IPO9: variants seen among roughly 807,000 people sequenced by gnomAD.
IPO9 encodes the protein importin-9.
IPO9 carries 28 observed loss-of-function variants against 128.6 expected under a neutral mutation model. The observed-to-expected ratio is 0.22, with a 90% CI of 0.16 to 0.30. IPO9 has a LOEUF of 0.30. Ranked by LOEUF, IPO9 falls within the 10% of genes least tolerant of loss-of-function variation. The pLI is 1.00. For synonymous variants in IPO9, 455 were observed against 475.8 expected, an observed-to-expected ratio of 0.96 and a Z score of 0.57; for missense variants, 935 against 1,293.9, an observed-to-expected ratio of 0.72 and a Z score of 4.26.
At chr1:201,861,103 T>C (rs1203508933) in intron 13 of IPO9, among the ~76,000 whole-genome samples, 1 of 152,038 alleles carries the variant, frequency 6.6e-6, no homozygotes, top group African/African-American at 2.4e-5. Context: ...GAGGCGGAGG[T>C]TGCAGTGAGC....
In IPO9 at chr1:201,878,830, C is replaced by G. The variant is rs1680829009; in HGVS notation, c.*2776C>G. The G allele has an allele frequency of 6.6e-6, 1 of 152,202 alleles. No homozygotes were observed. Among genetic ancestry groups the G allele is most frequent in the Non-Finnish European group, 1.5e-5 (1 of 68,040 alleles). 9.4% of individuals were successfully genotyped at this position (152,202 alleles called of 1,614,324 possible). A position where few individuals can be genotyped will look rare whatever the true frequency, so the allele number is the denominator to read the frequency against. ...TCTGTTGGAGGCCAGTACATGTTGA[C>G]AGAAACTCTAGACCATATTTTGTCT... On this transcript the variant is annotated 3_prime_UTR_variant, in exon 24 of 24. Coordinates refer to ENST00000361565, the MANE Select transcript of IPO9 (RefSeq NM_018085.5).
rs1233902687 is a variant in IPO9, at chr1:201,879,921, C to G, written c.*3867C>G. On this transcript the variant is annotated 3_prime_UTR_variant, in exon 24 of 24. Transcript: ENST00000361565. ...GGGCATGGTGGCACGTGCCTGTAAT[C>G]CCAGCTACTCGGGAGGCTGAGGCGG... 1 of 152,214 alleles carries G rather than the reference C, an allele frequency of 6.6e-6. No individual in the cohort carries two copies. The highest frequency in any genetic ancestry group is 1.5e-5 in the Non-Finnish European group (1 of 68,068). The allele number at this position is 152,214 out of a possible 1,614,324, so 9.4% of individuals were successfully genotyped here.
chr1:201,848,251 T>C lies in IPO9; in HGVS notation c.313-142T>C, dbSNP rs554210761. 8.9e-6 allele frequency: 6 copies of C among 677,100 alleles called. No individual in the cohort carries two copies. The South Asian group carries it at 1.1e-4, about 12-fold the overall frequency. 41.9% of individuals were successfully genotyped at this position (677,100 alleles called of 1,614,324 possible). On this transcript the variant is annotated intron_variant, in intron 3 of 23. Coordinates refer to ENST00000361565, the MANE Select transcript of IPO9 (RefSeq NM_018085.5). The stretch of plus-strand genomic sequence containing the variant: ...TCACAGATGAACCCTCCAAATGAAT[T>C]GTCAAGTTTGTGTATAGGAGTTTTC...
chr1:201,835,412 A>ATT (rs1679905281), intron 1 of IPO9, among the ~76,000 whole-genome samples: 1 of 152,250 alleles, frequency 6.6e-6, no homozygotes, highest in Non-Finnish European at 1.5e-5. Flanking sequence ...AAAGACTAAA[A>ATT]GAGAATGAGA....
intron 14 of IPO9, among the ~76,000 whole-genome samples, chr1:201,864,105 A>G (rs756964803): frequency 8.5e-5 from 13 of 152,220 alleles, no homozygotes; most frequent in Non-Finnish European, 1.8e-4. Context: ...TACGCAGACT[A>G]GAAGGACCAT....
chr1:201,854,048 A>G (rs1298360757), intron 6 of IPO9, among the ~76,000 whole-genome samples: 1 of 152,030 alleles, frequency 6.6e-6, no homozygotes, highest in Non-Finnish European at 1.5e-5. Flanking sequence ...ATGAATTTAT[A>G]TTTGTAGAGA....
chr1:201,855,298 A>G, intron 9 of IPO9, 116 bp downstream of exon 9: 1 of 642,490 alleles, frequency 1.6e-6, no homozygotes, highest in Admixed American at 2.6e-5. Context: ...AGTGTTTTCT[A>G]ATTCAGTTTA....
intron 6 of IPO9, among the ~76,000 whole-genome samples, chr1:201,853,918 A>G (rs1242029289): frequency 3.9e-5 from 6 of 152,122 alleles, no homozygotes; most frequent in Admixed American, 3.9e-4. Context: ...TTTGTTTTGC[A>G]GTAGAGACAG....
At chr1:201,840,945 T>C (rs1680024786) in intron 1 of IPO9, among the ~76,000 whole-genome samples, 1 of 152,172 alleles carries the variant, frequency 6.6e-6, no homozygotes. Context: ...AAGTGGGTAA[T>C]GAAAACAAGG....
At chr1:201,836,032 A>G (rs1235940579) in intron 1 of IPO9, among the ~76,000 whole-genome samples, 1 of 149,586 alleles carries the variant, frequency 6.7e-6, no homozygotes, top group African/African-American at 2.5e-5. Flanking sequence ...GAATGGCCTG[A>G]ACCCGGGAGG....
At position 201,879,711 on chromosome 1, in the gene IPO9, G is replaced by A. The variant is rs1260625179; in HGVS notation, c.*3657G>A. 1 of 152,184 alleles carries A rather than the reference G, an allele frequency of 6.6e-6. No homozygotes were observed. The highest frequency in any genetic ancestry group is 2.4e-5 in the African/African-American group (1 of 41,440). The allele number at this position is 152,184 out of a possible 1,614,324, so 9.4% of individuals were successfully genotyped here. A position where few individuals can be genotyped will look rare whatever the true frequency, so the allele number is the denominator to read the frequency against. On this transcript the variant is annotated 3_prime_UTR_variant, in exon 24 of 24. Transcript: ENST00000361565. The stretch of plus-strand genomic sequence containing the variant: ...TCTGTGCAGAGTTGAGGACTATAGA[G>A]TACTGTGCTGTCACTAACAGTATTG...
At chr1:201,851,852 T>C (rs1680224312) in intron 4 of IPO9, among the ~76,000 whole-genome samples, 1 of 152,204 alleles carries the variant, frequency 6.6e-6, no homozygotes, top group South Asian at 2.1e-4. Context: ...TTTCTTTCAG[T>C]ATTTATATTA....
chr1:201,837,136 T>G (rs2102868702), intron 1 of IPO9, among the ~76,000 whole-genome samples: 1 of 152,312 alleles, frequency 6.6e-6, no homozygotes, highest in East Asian at 1.9e-4. Flanking sequence ...TCTCTTATTC[T>G]CACCATCCCT....
At position 201,868,806 on chromosome 1, in the gene IPO9, CGTGT is replaced by C. The variant is rs34353605; in HGVS notation, c.2004+30_2004+33del. Reference sequence around the variant, plus strand: ...TGCAGGGCTTTGTGCGGTAAGTGGCCGTGTGTGTGTGTGTGTGTGTGTGAGAGAG... The same window carrying C: ...TGCAGGGCTTTGTGCGGTAAGTGGCCGTGTGTGTGTGTGTGTGTGAGAGAG... On this transcript the variant is annotated intron_variant, in intron 16 of 23. Transcript: ENST00000361565. 0.018 allele frequency: 20,204 copies of C among 1,112,958 alleles called. No homozygotes were observed. The highest frequency in any genetic ancestry group is 0.036 in the South Asian group (2,229 of 62,160). The allele number at this position is 1,112,958 out of a possible 1,614,324, so 68.9% of individuals were successfully genotyped here. A position where few individuals can be genotyped will look rare whatever the true frequency, so the allele number is the denominator to read the frequency against.
At chr1:201,855,332 A>C (rs934441936) in intron 9 of IPO9, 150 bp downstream of exon 9, 1 of 574,156 alleles carries the variant, frequency 1.7e-6, no homozygotes, top group African/African-American at 1.9e-5. Context: ...CGATGTGGGG[A>C]AATGAGAATT....
chr1:201,839,782 A>G (rs951767155), intron 1 of IPO9, among the ~76,000 whole-genome samples: 69 of 152,124 alleles, frequency 4.5e-4, no homozygotes, highest in African/African-American at 1.7e-3. Flanking sequence ...ATCCAGAGAC[A>G]ATAAAAGAAA....
At position 201,869,713 on chromosome 1, in the gene IPO9, A is replaced by T; in HGVS notation, c.2128A>T (p.Met710Leu). The T allele has an allele frequency of 6.2e-7, 1 of 1,614,150 alleles. No individual in the cohort carries two copies. Among genetic ancestry groups the T allele is most frequent in the Non-Finnish European group, 8.5e-7 (1 of 1,179,992 alleles). Residue 710 changes from methionine to leucine, a missense_variant, in exon 17 of 24, where the codon ATG becomes TTG. Around this residue, in one of 3 missense-constraint regions of IPO9, gnomAD observed 741 missense variants for 1,019.1 expected, o/e 0.73. Transcript: ENST00000361565. ...CTLHTDDNAT[M>L]QNGGECLRAY... ...CCTTCACACAGATGACAATGCCACCATGCAGGTATCTGAGACATGGAGAGT... is the reference window on the plus strand; with the variant it reads ...CCTTCACACAGATGACAATGCCACCTTGCAGGTATCTGAGACATGGAGAGT...
chr1:201,850,379 CAG>C (rs1235890050), intron 4 of IPO9: 1 of 152,208 alleles, frequency 6.6e-6, no homozygotes, highest in African/African-American at 2.4e-5. Flanking sequence ...TGATTCTTTT[CAG>C]AGTTTTTCAA....
In IPO9 at chr1:201,863,511, C is replaced by T; in HGVS notation, c.1532C>T (p.Pro511Leu). Reference sequence around the variant, plus strand: ...AGTCGGTTCACTGTTGCTATGTCCCCTGAACTGATCCAGCAGTTCCTACAG... The same window carrying T: ...AGTCGGTTCACTGTTGCTATGTCCCTTGAACTGATCCAGCAGTTCCTACAG... ...AASRFTVAMS[P>L]ELIQQFLQAT... The change falls in exon 14 of 24, where the codon CCT becomes CTT. Residue 511 changes from proline to leucine, a missense_variant. Around this residue, in one of 3 missense-constraint regions of IPO9, gnomAD observed 741 missense variants for 1,019.1 expected, o/e 0.73. Coordinates refer to ENST00000361565, the MANE Select transcript of IPO9 (RefSeq NM_018085.5). 2 of 1,608,310 alleles carry T rather than the reference C, an allele frequency of 1.2e-6. No individual in the cohort carries two copies. The highest frequency in any genetic ancestry group is 1.7e-6 in the Non-Finnish European group (2 of 1,175,234).
Sources: gnomAD v4.1 joint callset for allele counts (sites outside exome capture counted in the v4.1 genomes callset) on GRCh38, gnomAD v4.1.1 for gene constraint, gnomAD v4.1.1 regional missense constraint, MANE v1.5 for transcripts, NCBI Gene and HGNC (gene_info 2026-07-23, HGNC 2026-07-21) for gene names.